SEMA3D: variants seen among roughly 807,000 people sequenced by gnomAD.
The protein encoded by SEMA3D is semaphorin-3D.
SEMA3D carries 84 observed loss-of-function variants against 100.1 expected under a neutral mutation model. The observed-to-expected ratio is 0.84, with a 90% CI of 0.70 to 1.01. The LOEUF (loss-of-function observed/expected upper bound fraction) is 1.01, where lower values mean the gene tolerates loss of function less well. Among genes scored for constraint, SEMA3D ranks in the 50% least tolerant of loss-of-function variants. The pLI is 0.00. For synonymous variants in SEMA3D, 312 were observed against 320.7 expected (o/e 0.97, Z 0.29); for missense variants, 875 against 934.1 (o/e 0.94, Z 0.82).
intron 8 of SEMA3D, among the ~76,000 whole-genome samples, chr7:85,056,858 C>T (rs753752670): frequency 3.5e-5 from 5 of 143,426 alleles, no homozygotes; most frequent in Non-Finnish European, 7.6e-5. Flanking sequence ...TCATTGATGT[C>T]ATACTGAAAT....
rs535157859 is a variant in SEMA3D at position 84,998,724 on chromosome 7, T to C, written c.*716A>G. ...GTATTTATTAAGCATTCTGTCCCTG[T>C]AGAGCTTAGTATATACTCTAAAAAA... On this transcript the variant is annotated 3_prime_UTR_variant, in exon 19 of 19. Coordinates refer to ENST00000284136, the MANE Select transcript of SEMA3D (RefSeq NM_001384900.1). 6.6e-6 allele frequency: 1 copy of C among 152,314 alleles called. No homozygotes were observed. Among genetic ancestry groups the C allele is most frequent in the Non-Finnish European group, 1.5e-5 (1 of 68,028 alleles). The allele number at this position is 152,314 out of a possible 1,614,324, so 9.4% of individuals were successfully genotyped here.
At chr7:85,171,724 A>C (rs1583987841) in intron 1 of SEMA3D, among the ~76,000 whole-genome samples, 1 of 152,216 alleles carries the variant, frequency 6.6e-6, no homozygotes, top group East Asian at 1.9e-4. Flanking sequence ...TCTCACAGAG[A>C]ATCAAGCCAG....
At chr7:85,011,501 T>A (rs2115780042) in intron 17 of SEMA3D, among the ~76,000 whole-genome samples, 1 of 151,940 alleles carries the variant, frequency 6.6e-6, no homozygotes, top group South Asian at 2.1e-4. Flanking sequence ...ACATAGCATT[T>A]ATTTTACTTG....
chr7:85,188,455 C>A (rs1306299491), upstream of SEMA3D, among the ~76,000 whole-genome samples: 3 of 151,972 alleles, frequency 2.0e-5, no homozygotes, highest in Non-Finnish European at 4.4e-5. Flanking sequence ...AATGTTATAC[C>A]ACTCATTCTG....
Position 85,015,085 on chromosome 7 carries a change from G to A in SEMA3D, c.1677C>T (p.Cys559=). 1 of 1,611,504 alleles carries A rather than the reference G, an allele frequency of 6.2e-7. No homozygotes were observed. Among genetic ancestry groups the A allele is most frequent in the Non-Finnish European group, 8.5e-7 (1 of 1,178,356 alleles). ...TTTTAGAAGTAGGAGCATATCGAGA[G>A]CATGCATTTCCATCCCAGGCACAGT... ...DPYCAWDGNA[C]SRYAPTSKRR... The change falls in exon 16 of 19, where the codon TGC becomes TGT. Residue 559 remains cysteine, a synonymous_variant. Coordinates refer to ENST00000284136, the MANE Select transcript of SEMA3D (RefSeq NM_001384900.1).
chr7:85,221,612 T>C, the SEMA3D span, among the ~76,000 whole-genome samples: 4 of 152,090 alleles, frequency 2.6e-5, no homozygotes, highest in African/African-American at 4.8e-5. Context: ...AAGTGTGTAA[T>C]AGATTATATT....
Position 85,039,506 on chromosome 7 carries a change from G to A in SEMA3D, c.1046+1167C>T, listed in dbSNP as rs71560710. ...ATTCCTGACCTCAGATGATCCACCC[G>A]CCTTGGTCTCCCAAAGTACTGGGAT... On this transcript the variant is annotated intron_variant, in intron 11 of 18. Transcript: ENST00000284136. 7.6e-3 allele frequency among the ~76,000 whole-genome samples: 1,155 copies of A among 152,190 alleles called. 9 individuals carry two copies. Among genetic ancestry groups the A allele is most frequent in the Non-Finnish European group, 0.011 (775 of 67,994 alleles).
chr7:85,116,312 A>T (rs1051531270), intron 3 of SEMA3D, among the ~76,000 whole-genome samples: 1 of 146,232 alleles, frequency 6.8e-6, no homozygotes, highest in Non-Finnish European at 1.5e-5. Context: ...GTATATATTT[A>T]TATATATTTA....
chr7:85,028,014 C>A (rs570051322), intron 12 of SEMA3D: 2 of 573,962 alleles, frequency 3.5e-6, no homozygotes, highest in South Asian at 3.1e-5. Context: ...TCCAATGAAC[C>A]GTGCCAGCAT....
At chr7:85,050,238 C>G (rs1791126508) in intron 9 of SEMA3D, 1 of 152,002 alleles carries the variant, frequency 6.6e-6, no homozygotes, top group Non-Finnish European at 1.5e-5. Context: ...TTTGCCTATT[C>G]ATTCAATTAG....
chr7:85,013,031 A>C (rs1790000976), intron 16 of SEMA3D, among the ~76,000 whole-genome samples, 185 bp from the exon 17 acceptor site: 1 of 151,854 alleles, frequency 6.6e-6, no homozygotes, highest in South Asian at 2.1e-4. Context: ...AATGAGGTCC[A>C]AATAGAAGAA....
rs1329772939 is a variant in SEMA3D at position 85,129,239 on chromosome 7, C to G, written c.-40-7308G>C. On this transcript the variant is annotated intron_variant, in intron 2 of 18. Transcript: ENST00000284136. Reference sequence around the variant, plus strand: ...TATCATGGTGTTTCTTTCAGCAGCACTTATTCTAAGGTAAGATCAATGCAA... The same window carrying G: ...TATCATGGTGTTTCTTTCAGCAGCAGTTATTCTAAGGTAAGATCAATGCAA... 3.3e-5 allele frequency among the ~76,000 whole-genome samples: 5 copies of G among 152,134 alleles called. 1 individual carries two copies. Among genetic ancestry groups the G allele is most frequent in the African/African-American group, 9.6e-5 (4 of 41,522 alleles).
chr7:85,191,152 C>T (rs1791686591), upstream of SEMA3D, among the ~76,000 whole-genome samples: 1 of 152,090 alleles, frequency 6.6e-6, no homozygotes, highest in South Asian at 2.1e-4. Flanking sequence ...ACAGTCCAGC[C>T]TCTTTGGCCC....
chr7:85,202,291 G>A, the SEMA3D span, among the ~76,000 whole-genome samples: 3 of 144,316 alleles, frequency 2.1e-5, no homozygotes, highest in Non-Finnish European at 4.5e-5. Context: ...TCCCACCTAT[G>A]AGTGAGAATA....
the SEMA3D span, among the ~76,000 whole-genome samples, chr7:85,210,209 C>A: frequency 6.6e-6 from 1 of 152,036 alleles, no homozygotes; most frequent in Non-Finnish European, 1.5e-5. Flanking sequence ...GTCACAAAAC[C>A]TGGGTCTCTA....
chr7:85,022,634 A>G, intron 12 of SEMA3D, 21 bp from the exon 13 acceptor site: 4 of 1,509,956 alleles, frequency 2.6e-6, no homozygotes, highest in Non-Finnish European at 3.7e-6. Context: ...ATGTGGAGGA[A>G]AGTAAAGACA....
At chr7:85,143,162 T>G (rs948528263) in intron 2 of SEMA3D, 1 of 982,158 alleles carries the variant, frequency 1.0e-6, no homozygotes, top group Non-Finnish European at 1.2e-6. Context: ...TGATATGACA[T>G]GGTACCTGCA....
the SEMA3D span, among the ~76,000 whole-genome samples, chr7:85,239,139 AC>A: frequency 6.6e-6 from 1 of 152,150 alleles, no homozygotes; most frequent in Non-Finnish European, 1.5e-5. Context: ...GTTAGGAATC[AC>A]CTGGGGATCT....
At position 85,068,075 on chromosome 7, in the gene SEMA3D, C is replaced by A. The variant is rs1990106; in HGVS notation, c.589+116G>T. On this transcript the variant is annotated intron_variant, in intron 7 of 18. Transcript: ENST00000284136. The stretch of plus-strand genomic sequence containing the variant: ...TGGCACTAAAATAATGGAAACAAAT[C>A]GCTTGTGGAAGATTAGTAAAAAATT... 5,034 of 643,540 alleles carry A rather than the reference C, an allele frequency of 7.8e-3. 187 individuals are homozygous for A. The African/African-American group carries it at 0.08, about 10-fold the overall frequency. 39.9% of individuals were successfully genotyped at this position (643,540 alleles called of 1,614,324 possible).
Sources: allele counts gnomAD v4.1 joint callset (sites outside exome capture counted in the v4.1 genomes callset), GRCh38; gene constraint gnomAD v4.1.1; transcripts MANE v1.5; gene names NCBI Gene and HGNC (gene_info 2026-07-23, HGNC 2026-07-21).